NXPH2: variants seen among roughly 807,000 people sequenced by gnomAD.
NXPH2 encodes the protein neurexophilin 2, also known as neurexophilin-2.
In NXPH2, 5 loss-of-function variants were observed where a neutral mutation model predicts 19.8. The observed-to-expected ratio is 0.25, with a 90% CI of 0.13 to 0.53. The LOEUF (loss-of-function observed/expected upper bound fraction) is 0.53. Among genes scored for constraint, NXPH2 ranks in the 20% least tolerant of loss-of-function variants. NXPH2 has a pLI of 0.96. For missense variants in NXPH2, 289 were observed against 322.8 expected, an observed-to-expected ratio of 0.90 and a Z score of 0.80; for synonymous variants, 154 against 127.4, an observed-to-expected ratio of 1.21 and a Z score of -1.41.
At chr2:138,778,898 AAG>A (rs1425422920) in intron 1 of NXPH2, among the ~76,000 whole-genome samples, 10 of 152,178 alleles carry the variant, frequency 6.6e-5, no homozygotes, top group African/African-American at 2.2e-4. Context: ...GATGCCATTG[AAG>A]AGTTTCTGAG....
chr2:138,711,395 C>T (rs558226448), intron 1 of NXPH2, among the ~76,000 whole-genome samples: 1 of 152,226 alleles, frequency 6.6e-6, no homozygotes, highest in African/African-American at 2.4e-5. Flanking sequence ...CCCACCTCAG[C>T]CTCCCAAAGT....
intron 1 of NXPH2, among the ~76,000 whole-genome samples, chr2:138,729,314 T>A (rs1410866061): frequency 6.6e-6 from 1 of 152,206 alleles, no homozygotes; most frequent in Non-Finnish European, 1.5e-5. Context: ...GATGGTTTTA[T>A]AAGGGGCTTT....
intron 1 of NXPH2, among the ~76,000 whole-genome samples, chr2:138,685,388 A>G (rs1448880195): frequency 2.0e-5 from 3 of 152,156 alleles, no homozygotes; most frequent in Non-Finnish European, 4.4e-5. Flanking sequence ...ATGTGTAAAT[A>G]TCTTACTTTC....
intron 1 of NXPH2, among the ~76,000 whole-genome samples, chr2:138,691,813 T>A (rs1269035802): frequency 6.6e-6 from 1 of 152,128 alleles, no homozygotes; most frequent in Non-Finnish European, 1.5e-5. Flanking sequence ...CCAGATCAGT[T>A]CAGCTGTCAG....
intron 1 of NXPH2, among the ~76,000 whole-genome samples, chr2:138,738,377 CA>C (rs1236873692): frequency 6.6e-6 from 1 of 151,988 alleles, no homozygotes; most frequent in African/African-American, 2.4e-5. Context: ...ACTCATTCCC[CA>C]AATGGAAATC....
chr2:138,695,522 T>C (rs971108956), intron 1 of NXPH2, among the ~76,000 whole-genome samples: 1 of 152,188 alleles, frequency 6.6e-6, no homozygotes, highest in African/African-American at 2.4e-5. Flanking sequence ...AATAAATCTA[T>C]ATATTCATGT....
chr2:138,725,817 C>T (rs1681347586), intron 1 of NXPH2, among the ~76,000 whole-genome samples: 3 of 152,274 alleles, frequency 2.0e-5, no homozygotes, highest in African/African-American at 7.2e-5. Flanking sequence ...AATCCATTTA[C>T]TGTATGTAAA....
chr2:138,682,135 A>C (rs1270697916), intron 1 of NXPH2, among the ~76,000 whole-genome samples: 1 of 152,242 alleles, frequency 6.6e-6, no homozygotes, highest in Non-Finnish European at 1.5e-5. Context: ...CAGCAGAAAG[A>C]ACAACAGAAA....
intron 1 of NXPH2, among the ~76,000 whole-genome samples, chr2:138,729,651 C>T (rs1681415777): frequency 1.3e-5 from 2 of 152,190 alleles, no homozygotes; most frequent in South Asian, 4.1e-4. Flanking sequence ...GAATCTCTGC[C>T]TACCCTCTTA....
rs1480319393 is a variant in NXPH2, at chr2:138,670,927, CA to C, written c.789del (p.Gly264AlafsTer17). The C allele has an allele frequency of 6.2e-7, 1 of 1,609,758 alleles. No individual in the cohort carries two copies. The highest frequency in any genetic ancestry group is 1.3e-5 in the African/African-American group (1 of 74,782). On this transcript the variant is annotated frameshift_variant, in exon 2 of 2. Transcript: ENST00000272641. LOFTEE classifies it high-confidence loss of function. ...TTTCCACCACAGCAGGAAGATCAGC[CA>C]GAAGATAAGTATGGGGTCTCACTAT... ...NYHSETPYLSSG is the reference protein window; with the variant it reads ...NYHSETPYLSXG
intron 1 of NXPH2, among the ~76,000 whole-genome samples, chr2:138,692,533 A>C (rs915923155): frequency 6.6e-6 from 1 of 152,180 alleles, no homozygotes; most frequent in Non-Finnish European, 1.5e-5. Flanking sequence ...ATTCTTGAAG[A>C]TTAATCCTAA....
At chr2:138,700,016 C>T (rs1341782689) in intron 1 of NXPH2, among the ~76,000 whole-genome samples, 4 of 152,068 alleles carry the variant, frequency 2.6e-5, no homozygotes, top group African/African-American at 9.7e-5. Flanking sequence ...GAGGGCGTCA[C>T]CAAATTCTGT....
chr2:138,730,834 C>G (rs530933469), intron 1 of NXPH2, among the ~76,000 whole-genome samples: 1 of 152,176 alleles, frequency 6.6e-6, no homozygotes. Context: ...ATGAGCATAA[C>G]AAATTGGTTG....
intron 1 of NXPH2, among the ~76,000 whole-genome samples, chr2:138,720,526 T>C (rs971857963): frequency 6.6e-6 from 1 of 152,222 alleles, no homozygotes; most frequent in Admixed American, 6.5e-5. Context: ...TTGACAGTCA[T>C]AAATTAAATC....
At chr2:138,711,459 T>A (rs1681105428) in intron 1 of NXPH2, among the ~76,000 whole-genome samples, 1 of 152,070 alleles carries the variant, frequency 6.6e-6, no homozygotes, top group Non-Finnish European at 1.5e-5. Flanking sequence ...TCTTATACCT[T>A]CCTTTCATTC....
At chr2:138,751,016 C>T (rs551943607) in intron 1 of NXPH2, among the ~76,000 whole-genome samples, 9 of 151,684 alleles carry the variant, frequency 5.9e-5, no homozygotes, top group South Asian at 4.2e-4. Flanking sequence ...CTTAACCCCA[C>T]GTCCCCTCCC....
intron 1 of NXPH2, among the ~76,000 whole-genome samples, chr2:138,777,360 T>C (rs1366891109): frequency 6.6e-6 from 1 of 152,152 alleles, no homozygotes; most frequent in African/African-American, 2.4e-5. Context: ...AAGATGGATA[T>C]TTAAATCTTG....
chr2:138,669,172 T>A lies in NXPH2; in HGVS notation c.*1750A>T, dbSNP rs1268996217. Among the ~76,000 whole-genome samples, 1 of 152,054 alleles carries A rather than the reference T, an allele frequency of 6.6e-6. No individual in the cohort carries two copies. Among genetic ancestry groups the A allele is most frequent in the Non-Finnish European group, 1.5e-5 (1 of 67,996 alleles). On this transcript the variant is annotated 3_prime_UTR_variant, in exon 2 of 2. Coordinates refer to ENST00000272641, the MANE Select transcript of NXPH2 (RefSeq NM_007226.3). ...CCACCCAGGATTAATGTGACAGATC[T>A]AGCAAATTCTTTTTATTTACATAAA...
chr2:138,728,891 C>T (rs1436180846), intron 1 of NXPH2, among the ~76,000 whole-genome samples: 1 of 152,184 alleles, frequency 6.6e-6, no homozygotes, highest in African/African-American at 2.4e-5. Flanking sequence ...CATGCAAACA[C>T]AGTCAAAGTT....
Sources: allele counts gnomAD v4.1 joint callset (sites outside exome capture counted in the v4.1 genomes callset), GRCh38; gene constraint gnomAD v4.1.1; transcripts MANE v1.5; gene names NCBI Gene and HGNC (gene_info 2026-07-23, HGNC 2026-07-21).